The following CTSA variants were observed in gnomAD, a reference collection of about 807,000 sequenced individuals.
CTSA encodes the protein lysosomal protective protein.
Under a neutral mutation model 66.7 loss-of-function variants are expected in CTSA, and 42 were observed. That is an observed-to-expected ratio of 0.63 (90% CI 0.49 to 0.81). The LOEUF (loss-of-function observed/expected upper bound fraction) is 0.81. Among genes scored for constraint, CTSA ranks in the 40% least tolerant of loss-of-function variants. The pLI, the probability that CTSA is intolerant of heterozygous loss-of-function variation, is 0.00. For synonymous variants in CTSA, 225 were observed against 248.6 expected (o/e 0.91, Z 0.89); for missense variants, 525 against 610.9 (o/e 0.86, Z 1.48).
rs778617110 is a variant in CTSA, at chr20:45,892,300, T to A, written c.334T>A (p.Tyr112Asn). ...CCAGCCAGATGGTGTCACCCTGGAG[T>A]ACAACCCCTATTCTTGGAATCTGGT... ...LVQPDGVTLE[Y>N]NPYSWNLIAN... The change falls in exon 4 of 15, where the codon TAC becomes AAC. Residue 112 changes from tyrosine to asparagine, a missense_variant. This residue lies in a region of CTSA where 246 missense variants were observed against 267.4 expected (regional missense o/e 0.92). Coordinates refer to ENST00000646241, the MANE Select transcript of CTSA (RefSeq NM_000308.4). The A allele has an allele frequency of 6.2e-7, 1 of 1,614,096 alleles. No individual in the cohort carries two copies. Among genetic ancestry groups the A allele is most frequent in the Non-Finnish European group, 8.5e-7 (1 of 1,180,026 alleles).
At chr20:45,896,822 G>A in intron 11 of CTSA, 143 bp from the exon 12 acceptor site, 2 of 703,376 alleles carry the variant, frequency 2.8e-6, no homozygotes, top group South Asian at 1.4e-5. Flanking sequence ...TCCTAGAGAG[G>A]TGGCCCCCCC....
Position 45,892,815 on chromosome 20 carries a change from T to C in CTSA, c.535T>C (p.Tyr179His), listed in dbSNP as rs1454806961. Reference protein sequence around the residue: ...NNKLFLTGESYAGIYIPTLAV... With the variant: ...NNKLFLTGESHAGIYIPTLAV... Reference sequence around the variant, plus strand: ...CAAACTTTTCCTGACCGGGGAGAGCTATGCTGGCATCTACATCCCCACCCT... The same window carrying C: ...CAAACTTTTCCTGACCGGGGAGAGCCATGCTGGCATCTACATCCCCACCCT... The change falls in exon 6 of 15, where the codon TAT becomes CAT. Residue 179 changes from tyrosine (Y) to histidine (H), a missense_variant. Around this residue, in one of 3 missense-constraint regions of CTSA, gnomAD observed 246 missense variants for 267.4 expected, o/e 0.92. Coordinates refer to ENST00000646241, the MANE Select transcript of CTSA (RefSeq NM_000308.4). 1.2e-6 allele frequency: 2 copies of C among 1,614,146 alleles called. No homozygotes were observed. Among genetic ancestry groups the C allele is most frequent in the South Asian group, 2.2e-5 (2 of 91,086 alleles).
Position 45,894,626 on chromosome 20 carries a change from T to G in CTSA, c.778-24T>G, listed in dbSNP as rs1314824100. On this transcript the variant is annotated intron_variant, in intron 8 of 14. Transcript: ENST00000646241. ...GGAGAGGCTGGGGATCTGTAAAGCA[T>G]GGTGGCTTGGTGTATCATTGCAGCT... 3.7e-6 allele frequency: 6 copies of G among 1,605,108 alleles called. No homozygotes were observed. The South Asian group carries it at 5.5e-5, about 15-fold the overall frequency.
At chr20:45,892,931 A>C in intron 6 of CTSA, 51 bp downstream of exon 6, 1 of 1,603,150 alleles carries the variant, frequency 6.2e-7, no homozygotes, top group Non-Finnish European at 8.5e-7. Flanking sequence ...CTGTGGCCTT[A>C]CAGTTAGCAA....
At chr20:45,893,344 G>A in intron 7 of CTSA, 33 bp downstream of exon 7, 2 of 1,509,672 alleles carry the variant, frequency 1.3e-6, no homozygotes, top group South Asian at 1.1e-5. Context: ...AATCTCTGGG[G>A]TGAGGCAGGT....
rs1202834574 is a variant in CTSA, at chr20:45,898,013, G to A, written c.1263G>A (p.Val421=). ...FVDSLNQKME[V]QRRPWLVKYG... is the part of the protein sequence containing the mutation. ...CTTTCCTGGTGGGGCAGATGGAGGT[G>A]CAGCGCCGGCCCTGGTTAGTGAAGT... The change falls in exon 14 of 15, where the codon GTG becomes GTA. Residue 421 remains valine (V), a synonymous_variant. Coordinates refer to ENST00000646241, the MANE Select transcript of CTSA (RefSeq NM_000308.4). This position sits in a 1 kb window ranked among gnomAD's most constrained non-coding sequence, Gnocchi z 4.6. The A allele has an allele frequency of 1.9e-6, 3 of 1,614,076 alleles. No individual in the cohort carries two copies. The highest frequency in any genetic ancestry group is 2.5e-6 in the Non-Finnish European group (3 of 1,180,044).
rs144407534 is a variant in CTSA, at chr20:45,898,092, G to A, written c.1342G>A (p.Ala448Thr). ...CTTCGTGAAGGAGTTCTCCCACATCGCCTTTCTCACGATCAAGGTAGGGAC... is the reference window on the plus strand; with the variant it reads ...CTTCGTGAAGGAGTTCTCCCACATCACCTTTCTCACGATCAAGGTAGGGAC... ...AGFVKEFSHI[A>T]FLTIKGAGHM... Residue 448 changes from alanine (A) to threonine (T), a missense_variant, in exon 14 of 15, where the codon GCC (alanine) becomes ACC (threonine). Physicochemically the swap from Ala to Thr is moderately conservative, Grantham distance 58. Coordinates refer to ENST00000646241, the MANE Select transcript of CTSA (RefSeq NM_000308.4). The surrounding 1 kb of genome is among the most constrained non-coding windows in gnomAD (Gnocchi z 4.6). 588 of 1,614,064 alleles carry A rather than the reference G, an allele frequency of 3.6e-4. 1 individual carries two copies. The highest frequency in any genetic ancestry group is 1.6e-3 in the Middle Eastern group (10 of 6,062).
chr20:45,893,133 C>A (rs1568763073), intron 6 of CTSA, 87 bp from the exon 7 acceptor site: 3 of 1,245,458 alleles, frequency 2.4e-6, no homozygotes, highest in Non-Finnish European at 3.5e-6. Context: ...TTTCAGCTTC[C>A]GGATTGCTGA....
At chr20:45,896,465 T>G in intron 11 of CTSA, 1 of 185,588 alleles carries the variant, frequency 5.4e-6, no homozygotes, top group South Asian at 9.8e-5. Flanking sequence ...GATGGAGTCT[T>G]GCTGTCACTC....
intron 9 of CTSA, 36 bp downstream of exon 9, chr20:45,894,777 GC>G: frequency 6.2e-7 from 1 of 1,606,418 alleles, no homozygotes. Context: ...GCCAACCCCA[GC>G]CCCATCTGGA....
chr20:45,896,690 G>C (rs2083110480), intron 11 of CTSA: 2 of 447,548 alleles, frequency 4.5e-6, no homozygotes, highest in East Asian at 9.1e-5. Context: ...ACTCACCTCG[G>C]TCTCCCAAAG....
At chr20:45,894,461 G>A in intron 8 of CTSA, 189 bp from the exon 9 acceptor site, 1 of 669,308 alleles carries the variant, frequency 1.5e-6, no homozygotes, top group Non-Finnish European at 2.7e-6. Flanking sequence ...CACAGTGTTG[G>A]GAGGCAGTGA....
In CTSA at chr20:45,891,424, C is replaced by A. The variant is rs1986891351; in HGVS notation, c.-1+45C>A. 6.4e-7 allele frequency: 1 copy of A among 1,551,242 alleles called. No homozygotes were observed. Among genetic ancestry groups the A allele is most frequent in the Non-Finnish European group, 8.7e-7 (1 of 1,147,942 alleles). On this transcript the variant is annotated intron_variant, in intron 1 of 14. Transcript: ENST00000646241. This position sits in a 1 kb window ranked among gnomAD's most constrained non-coding sequence, Gnocchi z 4.6. ...TGGAGGGGATCCCCGAGCCCGGGAT[C>A]GGTGCGCGGCAGAGGAGGCTCGCGG...
intron 12 of CTSA, chr20:45,897,475 C>G (rs1601148345): frequency 3.8e-6 from 2 of 526,772 alleles, no homozygotes; most frequent in East Asian, 7.0e-5. Context: ...GGGCAAATTT[C>G]TTAAATATGA....
rs775198775 is a variant in CTSA at position 45,897,047 on chromosome 20, G to A, written c.1164+7G>A. 83 of 1,609,200 alleles carry A rather than the reference G, an allele frequency of 5.2e-5. No homozygotes were observed. The highest frequency in any genetic ancestry group is 3.3e-4 in the Middle Eastern group (2 of 6,074). ...GAAGCTGCTTAGCTCACAGGTGAGT[G>A]GGGAGAGCACAGCTGGATCACCAGC... On this transcript the variant is annotated splice_region_variant and intron_variant, in intron 12 of 14. Transcript: ENST00000646241.
Position 45,895,119 on chromosome 20 carries a change from A to T in CTSA, c.1074A>T (p.Gln358His), listed in dbSNP as rs766994463. Residue 358 changes from glutamine to histidine, a missense_variant, in exon 11 of 15, where the codon CAA becomes CAT. Gln to His is a conservative substitution (Grantham distance 24). Transcript: ENST00000646241. Reference protein sequence around the residue: ...KALNIPEQLPQWDMCNFLVNL... With the variant: ...KALNIPEQLPHWDMCNFLVNL... ...TCAACATCCCGGAGCAGCTGCCACA[A>T]TGGGACATGTGCAAGTGAGGTTCCG... 26 of 1,613,900 alleles carry T rather than the reference A, an allele frequency of 1.6e-5. No homozygotes were observed. The highest frequency in any genetic ancestry group is 2.1e-5 in the Non-Finnish European group (25 of 1,179,984).
In CTSA at chr20:45,891,877, C is replaced by A; in HGVS notation, c.195-39C>A. ...GGAGCCGGGAGGGCTGGAAAGGGCCCCTCCAACTGCGCCAACCCTGCCCTG... is the reference window on the plus strand; with the variant it reads ...GGAGCCGGGAGGGCTGGAAAGGGCCACTCCAACTGCGCCAACCCTGCCCTG... On this transcript the variant is annotated intron_variant, in intron 2 of 14. Coordinates refer to ENST00000646241, the MANE Select transcript of CTSA (RefSeq NM_000308.4). The surrounding 1 kb of genome is among the most constrained non-coding windows in gnomAD (Gnocchi z 4.6). 3.7e-6 allele frequency: 6 copies of A among 1,607,756 alleles called. No homozygotes were observed. Among genetic ancestry groups the A allele is most frequent in the Non-Finnish European group, 5.1e-6 (6 of 1,174,260 alleles).
intron 9 of CTSA, 36 bp from the exon 10 acceptor site, chr20:45,894,787 G>A (rs755776299): frequency 1.3e-6 from 2 of 1,592,286 alleles, no homozygotes; most frequent in Non-Finnish European, 1.7e-6. Flanking sequence ...GCCCCATCTG[G>A]AGGCTCCACA....
intron 12 of CTSA, 137 bp downstream of exon 12, chr20:45,897,177 T>C: frequency 1.3e-6 from 1 of 772,938 alleles, no homozygotes. Context: ...GGTCCTGTGA[T>C]TGGTGGGGTC....
Sources: gnomAD v4.1 joint callset for allele counts on GRCh38, gnomAD v4.1.1 for gene constraint, gnomAD v4.1.1 regional missense constraint, Gnocchi (gnomAD v3.1) non-coding constraint, MANE v1.5 for transcripts, NCBI Gene and HGNC (gene_info 2026-07-23, HGNC 2026-07-21) for gene names.